The following FILIP1L variants were observed in gnomAD, a reference collection of about 807,000 sequenced individuals.
FILIP1L encodes the protein filamin A-interacting protein 1-like.
Under a neutral mutation model 96.6 loss-of-function variants are expected in FILIP1L, and 55 were observed. That is an observed-to-expected ratio of 0.57 (90% CI 0.46 to 0.71). FILIP1L has a LOEUF of 0.71. Among genes scored for constraint, FILIP1L ranks in the 30% least tolerant of loss-of-function variants. The probability of loss-of-function intolerance (pLI) is 0.00; values close to 1 mark genes in which losing one functional copy is unlikely to be tolerated. For missense variants in FILIP1L, 1,304 were observed against 1,321.2 expected (o/e 0.99, Z 0.20); for synonymous variants, 467 against 473.9 (o/e 0.99, Z 0.19).
chr3:100,062,402 C>T (rs1052577124), intron 1 of FILIP1L, among the ~76,000 whole-genome samples: 2 of 152,040 alleles, frequency 1.3e-5, no homozygotes, highest in African/African-American at 2.4e-5. Flanking sequence ...TGAGCCACCG[C>T]GCCCGGTCTA....
chr3:100,054,128 A>G (rs2065420941), intron 1 of FILIP1L, among the ~76,000 whole-genome samples: 1 of 152,198 alleles, frequency 6.6e-6, no homozygotes, highest in South Asian at 2.1e-4. Context: ...GTGTGCTTTC[A>G]AGATAGCATG....
intron 4 of FILIP1L, among the ~76,000 whole-genome samples, chr3:99,870,783 T>C (rs1053608260): frequency 3.3e-5 from 5 of 152,198 alleles, no homozygotes; most frequent in Admixed American, 3.3e-4. Context: ...CACAGAAACT[T>C]TGGAATGAAG....
Position 99,890,598 on chromosome 3 carries a change from C to G in FILIP1L, c.605+33632G>C, listed in dbSNP as rs140730683. Among the ~76,000 whole-genome samples, 837 of 152,216 alleles carry G rather than the reference C, an allele frequency of 5.5e-3. 19 individuals are homozygous for G. Among genetic ancestry groups the G allele is most frequent in the Admixed American group, 0.038 (586 of 15,282 alleles). On this transcript the variant is annotated intron_variant, in intron 4 of 5. Transcript: ENST00000477258. ...TGTGCAATTTCTTTGAATTTTTCTT[C>G]CAGTTTACTAATTCTCATTCCTTGA...
intron 1 of FILIP1L, among the ~76,000 whole-genome samples, chr3:100,063,438 G>A (rs928565953): frequency 1.3e-5 from 2 of 151,786 alleles, no homozygotes; most frequent in Admixed American, 1.3e-4. Context: ...TATCTGAATA[G>A]CTTTTTACTG....
At chr3:99,982,432 C>G (rs928462601) in intron 1 of FILIP1L, among the ~76,000 whole-genome samples, 26 of 152,110 alleles carry the variant, frequency 1.7e-4, no homozygotes, top group African/African-American at 6.0e-4. Context: ...CGTCAGCCTC[C>G]TGGGCTCAAG....
At chr3:99,899,040 G>A (rs1375447496) in intron 4 of FILIP1L, among the ~76,000 whole-genome samples, 1 of 152,014 alleles carries the variant, frequency 6.6e-6, no homozygotes, top group Non-Finnish European at 1.5e-5. Flanking sequence ...AAAAAAATGT[G>A]GTTATTCCTC....
At chr3:100,027,019 C>T (rs1299212758) in intron 1 of FILIP1L, among the ~76,000 whole-genome samples, 1 of 152,170 alleles carries the variant, frequency 6.6e-6, no homozygotes, top group Admixed American at 6.6e-5. Flanking sequence ...TTTGTCCTTG[C>T]TGTTCCCTAT....
Position 100,082,666 on chromosome 3 carries a change from C to T in FILIP1L, c.-11+31387G>A, listed in dbSNP as rs535023964. ...CTATTTTTTGGTTATAGTCGAGCTC[C>T]AACAAATTTTATTTAGGAAGCCTTT... On this transcript the variant is annotated intron_variant, in intron 1 of 5. Transcript: ENST00000477258. Among the ~76,000 whole-genome samples, 3 of 152,302 alleles carry T rather than the reference C, an allele frequency of 2.0e-5. No homozygotes were observed. In the South Asian group the frequency reaches 6.2e-4, roughly 32 times the overall value.
chr3:100,069,792 G>T (rs1362662432), intron 1 of FILIP1L, among the ~76,000 whole-genome samples: 1 of 152,130 alleles, frequency 6.6e-6, no homozygotes, highest in Non-Finnish European at 1.5e-5. Flanking sequence ...AGAATGGAGG[G>T]CCAGTCTATT....
chr3:100,029,798 C>T lies in FILIP1L; in HGVS notation c.-11+84255G>A, dbSNP rs551669093. 1.3e-4 allele frequency among the ~76,000 whole-genome samples: 20 copies of T among 152,186 alleles called. No individual in the cohort carries two copies. The South Asian group carries it at 2.5e-3, about 19-fold the overall frequency. The stretch of plus-strand genomic sequence containing the variant: ...GCTTTTGTAGCTGAGCCTGTCACTA[C>T]GCTATATAGTGACCAAAAGGGCAGA... On this transcript the variant is annotated intron_variant, in intron 1 of 5. Transcript: ENST00000477258.
intron 1 of FILIP1L, among the ~76,000 whole-genome samples, chr3:100,097,930 T>C (rs2066238888): frequency 6.6e-6 from 1 of 152,226 alleles, no homozygotes; most frequent in African/African-American, 2.4e-5. Context: ...TCATTTATTT[T>C]GTTGGTTTTT....
At chr3:100,017,028 TTTTCAAATTCA>T (rs948896670) in intron 1 of FILIP1L, among the ~76,000 whole-genome samples, 2 of 152,206 alleles carry the variant, frequency 1.3e-5, no homozygotes, top group African/African-American at 4.8e-5. Context: ...TTTTGTTAGT[TTTTCAAATTCA>T]CCAGTTTCTC....
At chr3:100,008,427 A>C (rs566334877) in intron 1 of FILIP1L, among the ~76,000 whole-genome samples, 1 of 152,288 alleles carries the variant, frequency 6.6e-6, no homozygotes, top group African/African-American at 2.4e-5. Flanking sequence ...GGTACCCTTC[A>C]TATAAGTGTT....
chr3:99,833,997 T>C (rs565304037), intron 5 of FILIP1L, among the ~76,000 whole-genome samples: 1 of 152,372 alleles, frequency 6.6e-6, no homozygotes, highest in South Asian at 2.1e-4. Flanking sequence ...AAAATATATT[T>C]GAAATATTAT....
At chr3:99,960,238 G>A (rs191991519) in intron 1 of FILIP1L, among the ~76,000 whole-genome samples, 6 of 152,264 alleles carry the variant, frequency 3.9e-5, no homozygotes, top group African/African-American at 1.4e-4. Flanking sequence ...AGTTAGAGTA[G>A]CCACCTTTAC....
chr3:99,867,305 GT>G (rs560392000), intron 4 of FILIP1L, among the ~76,000 whole-genome samples: 303 of 152,204 alleles, frequency 2.0e-3, no homozygotes, highest in African/African-American at 6.8e-3. Flanking sequence ...AATGGCTATA[GT>G]ATACCTCATG....
At chr3:99,858,816 G>A (rs759270893) in intron 4 of FILIP1L, among the ~76,000 whole-genome samples, 1 of 152,218 alleles carries the variant, frequency 6.6e-6, no homozygotes, top group Non-Finnish European at 1.5e-5. Flanking sequence ...TTACTCCAGA[G>A]GATAGACAGT....
At chr3:100,024,108 G>A (rs918860799) in intron 1 of FILIP1L, among the ~76,000 whole-genome samples, 1 of 152,028 alleles carries the variant, frequency 6.6e-6, no homozygotes, top group Non-Finnish European at 1.5e-5. Context: ...TCCACACTCC[G>A]TCTTCAGCTC....
intron 1 of FILIP1L, among the ~76,000 whole-genome samples, chr3:100,073,498 T>C (rs2065795803): frequency 6.6e-6 from 1 of 152,156 alleles, no homozygotes; most frequent in Non-Finnish European, 1.5e-5. Context: ...AATTGTAGGC[T>C]TAGGTCAAGA....
Sources: allele counts gnomAD v4.1 joint callset (sites outside exome capture counted in the v4.1 genomes callset), GRCh38; gene constraint gnomAD v4.1.1; transcripts MANE v1.5; gene names NCBI Gene and HGNC (gene_info 2026-07-23, HGNC 2026-07-21).